Variants in DHX36 observed in about 807,000 individuals in gnomAD.
DHX36 encodes the protein DEAH-box helicase 36.
Under a neutral mutation model 139.0 loss-of-function variants are expected in DHX36, and 50 were observed. The observed-to-expected ratio is 0.36, with a 90% CI of 0.29 to 0.46. The LOEUF is 0.46. Ranked by LOEUF, DHX36 falls within the 20% of genes least tolerant of loss-of-function variation. The probability of loss-of-function intolerance (pLI) is 1.00; values close to 1 mark genes in which losing one functional copy is unlikely to be tolerated. For missense variants in DHX36, 1,024 were observed against 1,211.3 expected, an observed-to-expected ratio of 0.85 and a Z score of 2.29; for synonymous variants, 425 against 401.9, an observed-to-expected ratio of 1.06 and a Z score of -0.69.
At chr3:154,291,941 T>C (rs375054553) in intron 15 of DHX36, among the ~76,000 whole-genome samples, 1 of 152,236 alleles carries the variant, frequency 6.6e-6, no homozygotes, top group Non-Finnish European at 1.5e-5. Context: ...TCTTAAGTTA[T>C]TATGACATTA....
chr3:154,311,847 G>A, intron 3 of DHX36, 173 bp from the exon 4 acceptor site: 1 of 491,064 alleles, frequency 2.0e-6, no homozygotes, highest in Non-Finnish European at 3.5e-6. Flanking sequence ...TTTTATGTCT[G>A]AAACATTCAA....
intron 5 of DHX36, among the ~76,000 whole-genome samples, chr3:154,308,546 T>C (rs1440760760): frequency 6.6e-6 from 1 of 152,146 alleles, no homozygotes; most frequent in East Asian, 1.9e-4. Context: ...CTAAAAACGA[T>C]GACGACAACA....
intron 5 of DHX36, among the ~76,000 whole-genome samples, chr3:154,306,662 G>T (rs1291303456): frequency 6.6e-6 from 1 of 152,084 alleles, no homozygotes; most frequent in East Asian, 1.9e-4. Flanking sequence ...CTCTTCCCTT[G>T]TGTTTTTGTT....
At position 154,299,849 on chromosome 3, in the gene DHX36, A is replaced by T. The variant is rs1712196493; in HGVS notation, c.1538T>A (p.Met513Lys). Residue 513 changes from methionine to lysine, a missense_variant, in exon 12 of 25, where the codon ATG (methionine) becomes AAG (lysine). This residue lies in a region of DHX36 where 470 missense variants were observed against 616.2 expected (regional missense o/e 0.76). Transcript: ENST00000496811. ...TLHDLLMSQVMFKSDKFLIIP... is the reference protein window; with the variant it reads ...TLHDLLMSQVKFKSDKFLIIP... Reference sequence around the variant, plus strand: ...CATTTACATAGTACCTGATTTAAACATTACTTGTGACATCAAGAGATCATG... The same window carrying T: ...CATTTACATAGTACCTGATTTAAACTTTACTTGTGACATCAAGAGATCATG... The T allele has an allele frequency of 6.2e-7, 1 of 1,610,094 alleles. No individual in the cohort carries two copies. Among genetic ancestry groups the T allele is most frequent in the Non-Finnish European group, 8.5e-7 (1 of 1,176,490 alleles).
At chr3:154,315,967 A>G in intron 2 of DHX36, 72 bp downstream of exon 2, 1 of 1,492,656 alleles carries the variant, frequency 6.7e-7, no homozygotes, top group Non-Finnish European at 9.0e-7. Context: ...TATCGAAGAA[A>G]ATAAAGATGT....
chr3:154,311,908 T>C lies in DHX36; in HGVS notation c.604-234A>G, dbSNP rs1712776693. 6 of 397,166 alleles carry C rather than the reference T, an allele frequency of 1.5e-5. No individual in the cohort carries two copies. The South Asian group carries it at 2.3e-4, about 16-fold the overall frequency. The allele number at this position is 397,166 out of a possible 1,614,324, so 24.6% of individuals were successfully genotyped here. ...AAATAGAGACAATGCTTTAAGTCAGTGGCAGTAAAATGAAATCGGATCTGT... is the reference window on the plus strand; with the variant it reads ...AAATAGAGACAATGCTTTAAGTCAGCGGCAGTAAAATGAAATCGGATCTGT... On this transcript the variant is annotated intron_variant, in intron 3 of 24. Coordinates refer to ENST00000496811, the MANE Select transcript of DHX36 (RefSeq NM_020865.3).
At position 154,303,332 on chromosome 3, in the gene DHX36, A is replaced by C; in HGVS notation, c.1214T>G (p.Ile405Arg). The C allele has an allele frequency of 6.3e-7, 1 of 1,591,384 alleles. No homozygotes were observed. The highest frequency in any genetic ancestry group is 1.1e-5 in the South Asian group (1 of 87,032). ...TTATTTCCTAATGTTTACTTACCTTATTTTTTCAATTACATCTTCCAAAAG... is the reference window on the plus strand; with the variant it reads ...TTATTTCCTAATGTTTACTTACCTTCTTTTTTCAATTACATCTTCCAAAAG... ...EYLLEDVIEK[I>R]RYVPEQKEHR... The change falls in exon 9 of 25, where the codon ATA (isoleucine) becomes AGA (arginine). Residue 405 changes from isoleucine (I) to arginine (R), a missense_variant. Transcript: ENST00000496811.
At position 154,284,990 on chromosome 3, in the gene DHX36, G is replaced by A; in HGVS notation, c.2032-3C>T. On this transcript the variant is annotated splice_polypyrimidine_tract_variant and splice_region_variant and intron_variant, in intron 17 of 24. Coordinates refer to ENST00000496811, the MANE Select transcript of DHX36 (RefSeq NM_020865.3). The stretch of plus-strand genomic sequence containing the variant: ...TCTTCTTGTTTATCCAAAGCGTTCT[G>A]TAAAGGAAGAGTGTGTGTTTAAAAT... 1 of 1,614,010 alleles carries A rather than the reference G, an allele frequency of 6.2e-7. No homozygotes were observed. The highest frequency in any genetic ancestry group is 1.6e-4 in the Middle Eastern group (1 of 6,062).
chr3:154,288,557 C>T (rs113195667), intron 17 of DHX36, among the ~76,000 whole-genome samples: 17 of 152,000 alleles, frequency 1.1e-4, no homozygotes, highest in African/African-American at 3.6e-4. Context: ...TTGTTTTACT[C>T]GCCAGTAATT....
intron 1 of DHX36, among the ~76,000 whole-genome samples, chr3:154,316,407 T>C (rs149996630): frequency 2.2e-4 from 34 of 152,224 alleles, no homozygotes; most frequent in Non-Finnish European, 4.1e-4. Context: ...CCTAATATGA[T>C]TGGCAAAGAA....
At chr3:154,312,909 TAAAG>T (rs1337383941) in intron 3 of DHX36, among the ~76,000 whole-genome samples, 1 of 95,212 alleles carries the variant, frequency 1.1e-5, no homozygotes, top group Non-Finnish European at 2.2e-5. Context: ...ATAAAATAAA[TAAAG>T]AACTGTCTTT....
At position 154,288,902 on chromosome 3, in the gene DHX36, C is replaced by A; in HGVS notation, c.1995G>T (p.Glu665Asp). The part of the protein sequence containing the change: ...LSRLMDPPSN[E>D]AVLLSIRHLM... ...GGTGTCTTATGGAGAGTAACACTGC[C>A]TCATTTGATGGTGGGTCCATTAATC... The change falls in exon 17 of 25, where the codon GAG (glutamate) becomes GAT (aspartate). Residue 665 changes from glutamate to aspartate, a missense_variant. Around this residue, in one of 4 missense-constraint regions of DHX36, gnomAD observed 470 missense variants for 616.2 expected, o/e 0.76. Coordinates refer to ENST00000496811, the MANE Select transcript of DHX36 (RefSeq NM_020865.3). 6.3e-7 allele frequency: 1 copy of A among 1,592,718 alleles called. No homozygotes were observed. The highest frequency in any genetic ancestry group is 1.2e-5 in the South Asian group (1 of 86,358).
intron 10 of DHX36, 85 bp downstream of exon 10, chr3:154,300,902 T>C (rs1413070785): frequency 1.9e-6 from 3 of 1,551,164 alleles, no homozygotes; most frequent in African/African-American, 2.8e-5. Context: ...TTTAAGTACG[T>C]ACAGATTCAA....
At chr3:154,300,522 G>A (rs956722939) in intron 11 of DHX36, 72 bp downstream of exon 11, 2 of 1,207,368 alleles carry the variant, frequency 1.7e-6, no homozygotes. Flanking sequence ...TAAGAAAACT[G>A]TATTTTTCAT....
intron 2 of DHX36, 129 bp from the exon 3 acceptor site, chr3:154,315,409 TAGTAC>T (rs1306954421): frequency 6.6e-6 from 4 of 603,786 alleles, no homozygotes; most frequent in African/African-American, 3.8e-5. Flanking sequence ...TCTTTTCTCT[TAGTAC>T]AGTAATTATG....
At chr3:154,290,194 T>C (rs1258108215) in intron 15 of DHX36, among the ~76,000 whole-genome samples, 2 of 152,210 alleles carry the variant, frequency 1.3e-5, no homozygotes, top group African/African-American at 4.8e-5. Context: ...TATTATGTAA[T>C]GAATCCTGGC....
intron 1 of DHX36, among the ~76,000 whole-genome samples, chr3:154,323,856 T>TACG (rs1290052711): frequency 3.3e-5 from 5 of 152,210 alleles, no homozygotes; most frequent in African/African-American, 1.2e-4. Flanking sequence ...CGGCCAGAGA[T>TACG]ACGACAACGA....
chr3:154,306,915 C>A (rs900786866), intron 5 of DHX36, among the ~76,000 whole-genome samples: 9 of 151,858 alleles, frequency 5.9e-5, no homozygotes, highest in African/African-American at 2.2e-4. Context: ...CTAGTATACA[C>A]TGACAGACCA....
chr3:154,281,336 G>C (rs1484623735), intron 20 of DHX36, among the ~76,000 whole-genome samples: 4 of 151,230 alleles, frequency 2.6e-5, no homozygotes, highest in Non-Finnish European at 5.9e-5. Flanking sequence ...ATTAAATATG[G>C]TTAAAAATGG....
Sources: allele counts gnomAD v4.1 joint callset (sites outside exome capture counted in the v4.1 genomes callset), GRCh38; gene constraint gnomAD v4.1.1; regional missense constraint gnomAD v4.1.1; transcripts MANE v1.5; gene names NCBI Gene and HGNC (gene_info 2026-07-23, HGNC 2026-07-21).